Variants in DPP10 observed in about 807,000 individuals in gnomAD.
DPP10 encodes dipeptidyl peptidase like 10.
A neutral mutation model predicts 120.9 loss-of-function variants in DPP10; 33 were observed. The observed-to-expected ratio is 0.27, with a 90% confidence interval of 0.21 to 0.37. The LOEUF (loss-of-function observed/expected upper bound fraction) is 0.37. DPP10 is among the 10% of genes least tolerant of loss of function. The probability of loss-of-function intolerance (pLI) is 1.00; values close to 1 mark genes in which losing one functional copy is unlikely to be tolerated. For synonymous variants in DPP10, 337 were observed against 326.1 expected, an observed-to-expected ratio of 1.03 and a Z score of -0.36; for missense variants, 816 against 942.8, an observed-to-expected ratio of 0.87 and a Z score of 1.76.
At chr2:115,691,613 C>T (rs1373459069) in intron 7 of DPP10, among the ~76,000 whole-genome samples, 1 of 152,086 alleles carries the variant, frequency 6.6e-6, no homozygotes, top group East Asian at 1.9e-4. Flanking sequence ...ATAAGCTTTA[C>T]TAGCTGACAA....
At chr2:114,630,387 A>G (rs1694831578) in intron 1 of DPP10, among the ~76,000 whole-genome samples, 1 of 152,208 alleles carries the variant, frequency 6.6e-6, no homozygotes, top group African/African-American at 2.4e-5. Flanking sequence ...ATAAACTAAA[A>G]TAATTCCAAC....
At chr2:114,617,466 G>A (rs1693758907) in intron 1 of DPP10, among the ~76,000 whole-genome samples, 1 of 152,030 alleles carries the variant, frequency 6.6e-6, no homozygotes, top group South Asian at 2.1e-4. Context: ...TATATTAAAT[G>A]TTTATGATTC....
At chr2:114,689,981 T>C (rs1042191425) in intron 1 of DPP10, among the ~76,000 whole-genome samples, 4 of 152,096 alleles carry the variant, frequency 2.6e-5, no homozygotes, top group Non-Finnish European at 4.4e-5. Context: ...CTCTGGATAT[T>C]AGTCCTTTGT....
Position 115,011,802 on chromosome 2 carries a change from G to A in DPP10, c.61-297437G>A, listed in dbSNP as rs115610267. Among the ~76,000 whole-genome samples, 855 of 152,130 alleles carry A rather than the reference G, an allele frequency of 5.6e-3. 10 individuals carry two copies. Among genetic ancestry groups the A allele is most frequent in the African/African-American group, 0.019 (806 of 41,512 alleles). On this transcript the variant is annotated intron_variant, in intron 1 of 25. Coordinates refer to ENST00000410059, the MANE Select transcript of DPP10 (RefSeq NM_020868.6). ...AATCCACACACCCTTTGAAAGAATT[G>A]GATCATTGCTGCAGGCTCCCTGAGA...
intron 1 of DPP10, among the ~76,000 whole-genome samples, chr2:115,122,415 C>T (rs2049871705): frequency 6.6e-6 from 1 of 152,214 alleles, no homozygotes; most frequent in East Asian, 1.9e-4. Context: ...CAGCCTTCAT[C>T]TCTGTCCTAC....
intron 1 of DPP10, among the ~76,000 whole-genome samples, chr2:114,580,291 T>C (rs2105078175): frequency 6.6e-6 from 1 of 152,310 alleles, no homozygotes; most frequent in East Asian, 1.9e-4. Flanking sequence ...AGGTAGACAG[T>C]GATGAATTGA....
intron 1 of DPP10, among the ~76,000 whole-genome samples, chr2:114,713,730 C>A (rs1701172710): frequency 6.6e-6 from 1 of 152,052 alleles, no homozygotes; most frequent in South Asian, 2.1e-4. Context: ...GTGGCTCATG[C>A]CTGTAATCCC....
intron 5 of DPP10, among the ~76,000 whole-genome samples, chr2:115,687,632 CA>C (rs1220400809): frequency 7.7e-6 from 1 of 129,974 alleles, no homozygotes; most frequent in Admixed American, 7.5e-5. Flanking sequence ...ACACTTACTG[CA>C]AGAGACAATA....
chr2:115,376,231 A>G (rs2065782963), intron 3 of DPP10, among the ~76,000 whole-genome samples: 2 of 152,332 alleles, frequency 1.3e-5, no homozygotes, highest in African/African-American at 4.8e-5. Context: ...TATAAATTTT[A>G]TGAGATCTAA....
At chr2:114,941,787 C>G (rs1696920542) in intron 1 of DPP10, among the ~76,000 whole-genome samples, 1 of 152,114 alleles carries the variant, frequency 6.6e-6, no homozygotes, top group African/African-American at 2.4e-5. Flanking sequence ...TTCCTAGTTG[C>G]TATTATGAGG....
At chr2:114,802,214 T>C (rs1446298485) in intron 1 of DPP10, among the ~76,000 whole-genome samples, 1 of 152,150 alleles carries the variant, frequency 6.6e-6, no homozygotes, top group Non-Finnish European at 1.5e-5. Context: ...AGCCATGAGA[T>C]TCAGGAAGGG....
rs546325296 is a variant in DPP10 at position 115,062,392 on chromosome 2, G to T, written c.61-246847G>T. 9.2e-5 allele frequency among the ~76,000 whole-genome samples: 14 copies of T among 152,248 alleles called. No homozygotes were observed. The South Asian group carries it at 2.7e-3, about 29-fold the overall frequency. ...AGTTTTGTTTTTTATTGTATTTTAA[G>T]TTCCAGGATACATGTGTAGAATGTG... On this transcript the variant is annotated intron_variant, in intron 1 of 25. Coordinates refer to ENST00000410059, the MANE Select transcript of DPP10 (RefSeq NM_020868.6).
At chr2:114,816,122 G>A (rs1284028629) in intron 1 of DPP10, among the ~76,000 whole-genome samples, 1 of 152,106 alleles carries the variant, frequency 6.6e-6, no homozygotes, top group Non-Finnish European at 1.5e-5. Context: ...CACACCAAGG[G>A]CACTGTCTCC....
chr2:115,525,883 T>G lies in DPP10; in HGVS notation c.367-15T>G. 6.3e-7 allele frequency: 1 copy of G among 1,578,888 alleles called. No individual in the cohort carries two copies. The highest frequency in any genetic ancestry group is 8.6e-7 in the Non-Finnish European group (1 of 1,168,818). On this transcript the variant is annotated splice_polypyrimidine_tract_variant and intron_variant, in intron 4 of 25. Coordinates refer to ENST00000410059, the MANE Select transcript of DPP10 (RefSeq NM_020868.6). ...GAAGTTTTTAAATATAACTGGTTTTTTTTTCTTTTTCTAGGTAACCTTCAA... is the reference window on the plus strand; with the variant it reads ...GAAGTTTTTAAATATAACTGGTTTTGTTTTCTTTTTCTAGGTAACCTTCAA...
intron 3 of DPP10, among the ~76,000 whole-genome samples, chr2:115,423,776 C>A (rs2104706371): frequency 6.6e-6 from 1 of 152,248 alleles, no homozygotes; most frequent in African/African-American, 2.4e-5. Context: ...TATTTGAAAG[C>A]TACAGTTGTT....
At chr2:115,766,057 G>A (rs778267585) in intron 12 of DPP10, among the ~76,000 whole-genome samples, 3 of 151,796 alleles carry the variant, frequency 2.0e-5, no homozygotes, top group Non-Finnish European at 2.9e-5. Context: ...CAATTTACAT[G>A]ATAGTCACTG....
At chr2:114,689,883 T>C (rs113063629) in intron 1 of DPP10, among the ~76,000 whole-genome samples, 1,899 of 152,246 alleles carry the variant, frequency 0.012, 12 homozygotes, top group Middle Eastern at 0.027. Context: ...TGTCTTCTTT[T>C]GAGAAGTGTC....
At chr2:114,750,103 A>G (rs532782857) in intron 1 of DPP10, among the ~76,000 whole-genome samples, 1 of 152,288 alleles carries the variant, frequency 6.6e-6, no homozygotes, top group South Asian at 2.1e-4. Context: ...TTTAAAGTAC[A>G]TAAAAGAAAT....
At chr2:115,333,142 T>G (rs2062864732) in intron 2 of DPP10, among the ~76,000 whole-genome samples, 1 of 152,170 alleles carries the variant, frequency 6.6e-6, no homozygotes, top group Admixed American at 6.6e-5. Context: ...GATTGTTAGC[T>G]TTTCTTGTTG....
Sources: allele counts gnomAD v4.1 joint callset (sites outside exome capture counted in the v4.1 genomes callset), GRCh38; gene constraint gnomAD v4.1.1; transcripts MANE v1.5; gene names NCBI Gene and HGNC (gene_info 2026-07-23, HGNC 2026-07-21).